Variants in CDKAL1 observed in about 807,000 individuals in gnomAD.
CDKAL1 encodes threonylcarbamoyladenosine tRNA methylthiotransferase.
A neutral mutation model predicts 68.2 loss-of-function variants in CDKAL1; 32 were observed. The ratio of observed to expected loss-of-function variants is 0.47; its 90% CI spans 0.35 to 0.63. The LOEUF is 0.63. Ranked by LOEUF, CDKAL1 falls within the 30% of genes least tolerant of loss-of-function variation. CDKAL1 has a pLI of 0.00. For missense variants in CDKAL1, 606 were observed against 696.7 expected (o/e 0.87, Z 1.47); for synonymous variants, 234 against 244.3 (o/e 0.96, Z 0.39).
At chr6:20,721,723 C>CTGTTTTTTTTTTTT (rs1562052677) in intron 5 of CDKAL1, among the ~76,000 whole-genome samples, 9 of 107,920 alleles carry the variant, frequency 8.3e-5, no homozygotes, top group African/African-American at 3.2e-4. Flanking sequence ...TGACCAACTT[C>CTGTTTTTTTTTTTT]TGTTTTTTTT....
intron 11 of CDKAL1, among the ~76,000 whole-genome samples, chr6:21,008,731 C>T (rs1190601602): frequency 2.0e-5 from 3 of 152,120 alleles, no homozygotes; most frequent in Admixed American, 6.6e-5. Context: ...CACAACTCTG[C>T]ACCGTATATA....
intron 10 of CDKAL1, among the ~76,000 whole-genome samples, chr6:20,995,263 T>A (rs144789219): frequency 2.8e-4 from 43 of 152,354 alleles, no homozygotes; most frequent in African/African-American, 1.0e-3. Flanking sequence ...CCTGTTTATA[T>A]TGATATTTTG....
chr6:21,188,011 T>C (rs1419057679), intron 13 of CDKAL1, among the ~76,000 whole-genome samples: 3 of 152,236 alleles, frequency 2.0e-5, no homozygotes, highest in Non-Finnish European at 2.9e-5. Flanking sequence ...TTTTCACATA[T>C]GTGCTGTATG....
intron 13 of CDKAL1, among the ~76,000 whole-genome samples, chr6:21,132,290 C>T (rs74652387): frequency 6.6e-6 from 1 of 152,010 alleles, no homozygotes; most frequent in African/African-American, 2.4e-5. Context: ...TGTACACGCG[C>T]AGTAGATTAA....
chr6:21,113,184 A>G (rs1774207877), intron 13 of CDKAL1, among the ~76,000 whole-genome samples: 1 of 152,234 alleles, frequency 6.6e-6, no homozygotes, highest in South Asian at 2.1e-4. Context: ...TTAGGGTAAA[A>G]TAATTGGGAT....
chr6:21,226,261 C>T (rs566564412), intron 15 of CDKAL1, among the ~76,000 whole-genome samples: 2 of 151,304 alleles, frequency 1.3e-5, no homozygotes, highest in Admixed American at 1.3e-4. Context: ...GAAATCTGAT[C>T]CCTAAAGTTT....
intron 4 of CDKAL1, among the ~76,000 whole-genome samples, chr6:20,556,673 T>C (rs1764055269): frequency 6.6e-6 from 1 of 152,198 alleles, no homozygotes; most frequent in African/African-American, 2.4e-5. Context: ...CTGCTAATTT[T>C]GTATAGCTTG....
At chr6:21,115,042 C>G (rs931176649) in intron 13 of CDKAL1, among the ~76,000 whole-genome samples, 1 of 152,094 alleles carries the variant, frequency 6.6e-6, no homozygotes, top group Non-Finnish European at 1.5e-5. Context: ...ATATCAAAAG[C>G]CTTGGGTTAT....
chr6:20,572,987 T>C (rs1293312404), intron 4 of CDKAL1, among the ~76,000 whole-genome samples: 2 of 152,194 alleles, frequency 1.3e-5, no homozygotes, highest in Non-Finnish European at 2.9e-5. Context: ...CTTGCTTTTA[T>C]TGGTTAGAAA....
At chr6:20,900,099 T>C (rs955820656) in intron 9 of CDKAL1, among the ~76,000 whole-genome samples, 4 of 152,190 alleles carry the variant, frequency 2.6e-5, no homozygotes, top group African/African-American at 9.7e-5. Context: ...AGTATTCTAG[T>C]CTTCAACTTT....
chr6:21,069,803 T>TA (rs1159921660), intron 12 of CDKAL1, among the ~76,000 whole-genome samples: 3 of 42,910 alleles, frequency 7.0e-5, no homozygotes, highest in Middle Eastern at 0.011. Flanking sequence ...TTTTTTTTTT[T>TA]TAAAACAGAG....
At chr6:20,651,369 G>A (rs1442404598) in intron 5 of CDKAL1, among the ~76,000 whole-genome samples, 2 of 152,106 alleles carry the variant, frequency 1.3e-5, no homozygotes, top group African/African-American at 4.8e-5. Flanking sequence ...TATTGTTGCT[G>A]TATAGGAATG....
chr6:20,825,339 G>GT (rs1336671467), intron 8 of CDKAL1, among the ~76,000 whole-genome samples: 5 of 152,028 alleles, frequency 3.3e-5, no homozygotes, highest in African/African-American at 1.2e-4. Flanking sequence ...GTAACCTGAA[G>GT]TTTTTACAGT....
At chr6:20,586,260 G>A (rs1172498401) in intron 4 of CDKAL1, among the ~76,000 whole-genome samples, 1 of 152,174 alleles carries the variant, frequency 6.6e-6, no homozygotes, top group Non-Finnish European at 1.5e-5. Context: ...ACAGTGATCA[G>A]AGATTCTTCG....
chr6:21,119,882 A>G (rs925930435), intron 13 of CDKAL1, among the ~76,000 whole-genome samples: 2 of 152,186 alleles, frequency 1.3e-5, no homozygotes, highest in African/African-American at 2.4e-5. Flanking sequence ...GTCTTACACT[A>G]TAGAGCTGGA....
At chr6:20,989,461 G>C (rs1475904290) in intron 10 of CDKAL1, among the ~76,000 whole-genome samples, 1 of 152,148 alleles carries the variant, frequency 6.6e-6, no homozygotes, top group East Asian at 1.9e-4. Context: ...CCTCAGTTTG[G>C]ATAATCAGGT....
At chr6:21,074,600 A>T (rs998714571) in intron 12 of CDKAL1, among the ~76,000 whole-genome samples, 5 of 152,176 alleles carry the variant, frequency 3.3e-5, no homozygotes, top group Non-Finnish European at 5.9e-5. Context: ...AAAAATGGTG[A>T]AACTTGAGAG....
intron 5 of CDKAL1, among the ~76,000 whole-genome samples, chr6:20,724,751 T>C (rs1772565103): frequency 6.6e-6 from 1 of 152,152 alleles, no homozygotes. Context: ...TGAAATCAGA[T>C]TGGGATCTCA....
chr6:20,970,057 A>G (rs1765517657), intron 10 of CDKAL1, among the ~76,000 whole-genome samples: 1 of 152,168 alleles, frequency 6.6e-6, no homozygotes, highest in South Asian at 2.1e-4. Context: ...GTCTTTGGGC[A>G]AAAGACTGTT....
Sources: gnomAD v4.1 joint callset for allele counts (sites outside exome capture counted in the v4.1 genomes callset) on GRCh38, gnomAD v4.1.1 for gene constraint, MANE v1.5 for transcripts, NCBI Gene and HGNC (gene_info 2026-07-23, HGNC 2026-07-21) for gene names.